SDK1: variants seen among roughly 807,000 people sequenced by gnomAD.
SDK1 encodes protein sidekick-1.
A neutral mutation model predicts 245.5 loss-of-function variants in SDK1; 157 were observed. The observed-to-expected ratio is 0.64, with a 90% CI of 0.56 to 0.73. The LOEUF (loss-of-function observed/expected upper bound fraction) is 0.73, where lower values mean the gene tolerates loss of function less well. Among genes scored for constraint, SDK1 ranks in the 30% least tolerant of loss-of-function variants. The pLI, the probability that SDK1 is intolerant of heterozygous loss-of-function variation, is 0.00. For missense variants in SDK1, 3,583 were observed against 3,002.3 expected (o/e 1.19, Z -4.52); for synonymous variants, 1,647 against 1,278.5 (o/e 1.29, Z -6.15).
intron 1 of SDK1, among the ~76,000 whole-genome samples, chr7:3,353,650 C>G (rs1780717763): frequency 6.6e-6 from 1 of 152,162 alleles, no homozygotes; most frequent in Non-Finnish European, 1.5e-5. Flanking sequence ...CCCGTCAAAG[C>G]CAGACCTATT....
intron 2 of SDK1, among the ~76,000 whole-genome samples, chr7:3,630,503 G>A (rs1442987209): frequency 6.6e-6 from 1 of 152,210 alleles, no homozygotes; most frequent in Non-Finnish European, 1.5e-5. Flanking sequence ...GGGCATGGTG[G>A]TGCATGCCTA....
Position 3,655,494 on chromosome 7 carries a change from T to TGC in SDK1, c.713+13389_713+13390insGC, listed in dbSNP as rs1368456732. 2.6e-4 allele frequency among the ~76,000 whole-genome samples: 19 copies of TGC among 72,462 alleles called. 1 individual carries two copies. Among genetic ancestry groups the TGC allele is most frequent in the African/African-American group, 6.2e-4 (17 of 27,592 alleles). 47.5% of individuals were successfully genotyped at this position (72,462 alleles called of 152,430 possible). A position where few individuals can be genotyped will look rare whatever the true frequency, so the allele number is the denominator to read the frequency against. On this transcript the variant is annotated intron_variant, in intron 4 of 44. Coordinates refer to ENST00000404826, the MANE Select transcript of SDK1 (RefSeq NM_152744.4). ...ATATATATATATATATATATATATA[T>TGC]ATATATATATGTATGTATGTATATA...
At chr7:4,083,814 TCTTCCTCTCTCC>T (rs1234560598) in intron 22 of SDK1, among the ~76,000 whole-genome samples, 2 of 64,686 alleles carry the variant, frequency 3.1e-5, no homozygotes, top group East Asian at 1.1e-3. Context: ...TTCCTTCCTT[TCTTCCTCTCTCC>T]CTTCCTCTCT....
intron 1 of SDK1, among the ~76,000 whole-genome samples, chr7:3,464,076 T>G (rs913073173): frequency 2.0e-5 from 3 of 152,228 alleles, no homozygotes; most frequent in Non-Finnish European, 2.9e-5. Context: ...TACTGTGACT[T>G]AACCAATTGT....
chr7:3,818,233 C>A (rs1562466200), intron 4 of SDK1, among the ~76,000 whole-genome samples: 1 of 152,156 alleles, frequency 6.6e-6, no homozygotes, highest in Non-Finnish European at 1.5e-5. Context: ...AGGAAAATCT[C>A]TCAGGCCAAA....
At chr7:3,437,127 A>G (rs887466617) in intron 1 of SDK1, among the ~76,000 whole-genome samples, 1 of 152,202 alleles carries the variant, frequency 6.6e-6, no homozygotes, top group African/African-American at 2.4e-5. Flanking sequence ...AAAAATCAAT[A>G]CGGGACATTT....
intron 1 of SDK1, among the ~76,000 whole-genome samples, chr7:3,476,413 C>T (rs1258800620): frequency 6.6e-6 from 1 of 152,184 alleles, no homozygotes; most frequent in African/African-American, 2.4e-5. Context: ...ACTTCTTTTC[C>T]TTTAACCAGA....
At chr7:3,958,858 C>G in intron 7 of SDK1, 73 bp from the exon 8 acceptor site, 1 of 1,165,036 alleles carries the variant, frequency 8.6e-7, no homozygotes, top group Non-Finnish European at 1.3e-6. Flanking sequence ...GGAGCCCACA[C>G]TATCTTAGGT....
chr7:4,227,135 GAGTA>G, intron 40 of SDK1: 1 of 283,882 alleles, frequency 3.5e-6, no homozygotes, highest in Admixed American at 4.8e-5. Context: ...GTTTTCAAGT[GAGTA>G]AGGAAGAAAA....
At chr7:3,855,534 T>C (rs373478445) in intron 5 of SDK1, among the ~76,000 whole-genome samples, 2 of 144,910 alleles carry the variant, frequency 1.4e-5, no homozygotes, top group East Asian at 3.9e-4. Flanking sequence ...CTAGGATGTA[T>C]CAACAGAAGA....
At chr7:4,169,068 G>T (rs1004029872) in intron 32 of SDK1, among the ~76,000 whole-genome samples, 2 of 152,212 alleles carry the variant, frequency 1.3e-5, no homozygotes, top group African/African-American at 4.8e-5. Flanking sequence ...GTTGCTGTGT[G>T]GTTGTCAGGG....
At chr7:3,556,883 C>G (rs1248023858) in intron 1 of SDK1, among the ~76,000 whole-genome samples, 2 of 151,896 alleles carry the variant, frequency 1.3e-5, no homozygotes, top group Non-Finnish European at 2.9e-5. Context: ...TGATGGATAC[C>G]CATACCCCGT....
At chr7:3,510,867 C>T (rs895740465) in intron 1 of SDK1, among the ~76,000 whole-genome samples, 1 of 152,214 alleles carries the variant, frequency 6.6e-6, no homozygotes, top group African/African-American at 2.4e-5. Context: ...AGAGGTGTTT[C>T]TGTCTGCTGG....
At chr7:4,152,606 G>A (rs989623185) in intron 30 of SDK1, among the ~76,000 whole-genome samples, 1 of 152,178 alleles carries the variant, frequency 6.6e-6, no homozygotes, top group African/African-American at 2.4e-5. Context: ...TTTGGTATAG[G>A]AGAGACCAAT....
At chr7:3,771,099 C>T (rs1780394961) in intron 4 of SDK1, among the ~76,000 whole-genome samples, 1 of 152,042 alleles carries the variant, frequency 6.6e-6, no homozygotes, top group African/African-American at 2.4e-5. Flanking sequence ...CTGGACTGAG[C>T]TGCCTCACAT....
chr7:3,304,431 T>C (rs1779363876), intron 1 of SDK1, among the ~76,000 whole-genome samples: 1 of 152,236 alleles, frequency 6.6e-6, no homozygotes, highest in Non-Finnish European at 1.5e-5. Flanking sequence ...CCTTTAGCTT[T>C]ACTGCTGGAC....
At chr7:3,381,789 T>A (rs1390582374) in intron 1 of SDK1, among the ~76,000 whole-genome samples, 1 of 152,146 alleles carries the variant, frequency 6.6e-6, no homozygotes, top group African/African-American at 2.4e-5. Flanking sequence ...ATGCGGGTAA[T>A]TGGGCTGCAA....
At chr7:3,942,156 C>G (rs1780394083) in intron 5 of SDK1, among the ~76,000 whole-genome samples, 1 of 152,116 alleles carries the variant, frequency 6.6e-6, no homozygotes, top group African/African-American at 2.4e-5. Context: ...TCCGCCCACC[C>G]AAGCCTCCCA....
Position 3,951,760 on chromosome 7 carries a change from G to A in SDK1, c.990G>A (p.Lys330=). The A allele has an allele frequency of 6.2e-7, 1 of 1,613,818 alleles. No individual in the cohort carries two copies. The highest frequency in any genetic ancestry group is 8.5e-7 in the Non-Finnish European group (1 of 1,180,024). The change falls in exon 7 of 45, where the codon AAG becomes AAA. Residue 330 remains lysine, a synonymous_variant. Transcript: ENST00000404826. ...TGGAGGACCTGAGTGTGACCTGGAA[G>A]AGGAATGGAGTGAGAATCACCAGTG... ...RPVEDLSVTW[K]RNGVRITSGL... is the part of the protein sequence containing the mutation.
Sources: gnomAD v4.1 joint callset for allele counts (sites outside exome capture counted in the v4.1 genomes callset) on GRCh38, gnomAD v4.1.1 for gene constraint, MANE v1.5 for transcripts, NCBI Gene and HGNC (gene_info 2026-07-23, HGNC 2026-07-21) for gene names.